The following AKT3 variants were observed in gnomAD, a reference collection of about 807,000 sequenced individuals.
The protein encoded by AKT3 is AKT serine/threonine kinase 3.
A neutral mutation model predicts 65.3 loss-of-function variants in AKT3; 15 were observed. That is an observed-to-expected ratio of 0.23 (90% CI 0.15 to 0.35). The LOEUF is 0.35. AKT3 is among the 10% of genes least tolerant of loss of function. The probability of loss-of-function intolerance (pLI) is 1.00; values close to 1 mark genes in which losing one functional copy is unlikely to be tolerated. For missense variants in AKT3, 243 were observed against 576.5 expected (o/e 0.42, Z 5.92); for synonymous variants, 206 against 183.8 (o/e 1.12, Z -0.98).
At chr1:243,818,346 C>CT (rs1383898150) in intron 2 of AKT3, among the ~76,000 whole-genome samples, 2 of 152,096 alleles carry the variant, frequency 1.3e-5, no homozygotes, top group Non-Finnish European at 2.9e-5. Flanking sequence ...ATCTTGAAGT[C>CT]TTTTTTCCCC....
intron 12 of AKT3, among the ~76,000 whole-genome samples, chr1:243,528,826 A>C (rs746883510): frequency 7.9e-5 from 12 of 152,172 alleles, no homozygotes; most frequent in Non-Finnish European, 1.8e-4. Context: ...ACATTCCAAT[A>C]ATGGGACTGC....
chr1:243,494,440 CTGAG>C (rs533733125), intron 13 of AKT3, among the ~76,000 whole-genome samples: 24 of 152,230 alleles, frequency 1.6e-4, no homozygotes, highest in Non-Finnish European at 2.1e-4. Flanking sequence ...TCCCTGCTGC[CTGAG>C]TGTTTTTAAA....
intron 8 of AKT3, among the ~76,000 whole-genome samples, chr1:243,577,472 T>C (rs930938646): frequency 3.9e-5 from 6 of 152,176 alleles, no homozygotes; most frequent in Middle Eastern, 3.4e-3. Context: ...ATAAATGGTG[T>C]TGGGAGAACT....
In AKT3 at chr1:243,501,947, T is replaced by C. The variant is rs556358888; in HGVS notation, c.*3302A>G. The C allele has an allele frequency of 4.3e-5, 10 of 232,554 alleles. No individual in the cohort carries two copies. The highest frequency in any genetic ancestry group is 5.9e-5 in the Non-Finnish European group (7 of 117,756). The allele number at this position is 232,554 out of a possible 1,614,324, so 14.4% of individuals were successfully genotyped here. On this transcript the variant is annotated 3_prime_UTR_variant, in exon 14 of 14. Transcript: ENST00000673466. ...ACAGGTTTAGTATGACCAACAGTAA[T>C]AGTAATACAGTTTCTTGGGTTTATA... is the stretch of plus-strand genomic sequence containing the variant.
chr1:243,594,692 G>C (rs1166365670), intron 8 of AKT3, among the ~76,000 whole-genome samples: 1 of 152,008 alleles, frequency 6.6e-6, no homozygotes, highest in Non-Finnish European at 1.5e-5. Flanking sequence ...CAACCTCTTG[G>C]GCTCAAGCAA....
intron 9 of AKT3, among the ~76,000 whole-genome samples, chr1:243,570,500 A>T (rs1329199370): frequency 6.6e-6 from 1 of 152,196 alleles, no homozygotes; most frequent in Admixed American, 6.5e-5. Context: ...AGTCAGAATG[A>T]TATAGTGACA....
At chr1:243,488,534 C>T (rs982191347) in intron 13 of AKT3, 4 of 202,504 alleles carry the variant, frequency 2.0e-5, no homozygotes, top group African/African-American at 9.3e-5. Context: ...AATTTAGGAT[C>T]TTTAAAGACA....
chr1:243,563,543 G>A (rs1322249582), intron 10 of AKT3, among the ~76,000 whole-genome samples, 177 bp downstream of exon 10: 1 of 152,122 alleles, frequency 6.6e-6, no homozygotes, highest in Admixed American at 6.6e-5. Flanking sequence ...TTTAATTTCA[G>A]TATATTCTTG....
chr1:243,490,413 C>T (rs1666117502), intron 13 of AKT3, among the ~76,000 whole-genome samples: 1 of 152,196 alleles, frequency 6.6e-6, no homozygotes, highest in Non-Finnish European at 1.5e-5. Context: ...CATGGCAGGG[C>T]CCTGGAACCT....
chr1:243,783,557 T>A (rs1018188857), intron 2 of AKT3, among the ~76,000 whole-genome samples: 2 of 152,070 alleles, frequency 1.3e-5, no homozygotes. Flanking sequence ...TTAATTAAGG[T>A]GAATTTTTAA....
At chr1:243,763,169 GAATA>G (rs763398751) in intron 2 of AKT3, among the ~76,000 whole-genome samples, 2 of 151,932 alleles carry the variant, frequency 1.3e-5, no homozygotes, top group Non-Finnish European at 2.9e-5. Context: ...TTTAAAAAGT[GAATA>G]AACAGCCTAC....
Position 243,808,680 on chromosome 1 carries a change from C to T in AKT3, c.46+34445G>A, listed in dbSNP as rs563617823. The stretch of plus-strand genomic sequence containing the variant: ...ATTCAGATTCAGGAAATACAGAAAA[C>T]GCCACAAAGATACTCCTCAAGAAGA... On this transcript the variant is annotated intron_variant, in intron 2 of 13. Coordinates refer to ENST00000673466, the MANE Select transcript of AKT3 (RefSeq NM_005465.7). 1.6e-4 allele frequency among the ~76,000 whole-genome samples: 25 copies of T among 152,168 alleles called. 1 individual carries two copies. In the South Asian group the frequency reaches 3.5e-3, roughly 21 times the overall value.
chr1:243,752,972 C>G (rs1205116834), intron 2 of AKT3, among the ~76,000 whole-genome samples: 2 of 152,162 alleles, frequency 1.3e-5, no homozygotes, highest in African/African-American at 4.8e-5. Flanking sequence ...GTTTCTACCC[C>G]CTTTCCCAAT....
At chr1:243,592,267 G>A (rs1330533474) in intron 8 of AKT3, among the ~76,000 whole-genome samples, 3 of 151,768 alleles carry the variant, frequency 2.0e-5, no homozygotes, top group African/African-American at 7.3e-5. Context: ...CCCAGGAGGC[G>A]GAGCTTGCAG....
intron 12 of AKT3, among the ~76,000 whole-genome samples, chr1:243,532,782 C>T (rs1558594134): frequency 1.3e-5 from 2 of 152,110 alleles, no homozygotes; most frequent in South Asian, 4.1e-4. Flanking sequence ...TGGCCCTGGG[C>T]TTTTCTTTGG....
intron 12 of AKT3, among the ~76,000 whole-genome samples, chr1:243,537,888 G>A (rs953815473): frequency 4.6e-5 from 7 of 151,950 alleles, no homozygotes; most frequent in Non-Finnish European, 8.8e-5. Context: ...ATTCTGAAAT[G>A]TCCCATTTCC....
At chr1:243,790,843 A>G (rs1263292121) in intron 2 of AKT3, among the ~76,000 whole-genome samples, 1 of 152,102 alleles carries the variant, frequency 6.6e-6, no homozygotes, top group Non-Finnish European at 1.5e-5. Context: ...GGGTACAGCC[A>G]GTTGCTGGAT....
At chr1:243,654,834 C>G (rs1218282782) in intron 4 of AKT3, among the ~76,000 whole-genome samples, 1 of 152,062 alleles carries the variant, frequency 6.6e-6, no homozygotes, top group Non-Finnish European at 1.5e-5. Context: ...GCTCTGAAAG[C>G]AAACATTTTT....
intron 9 of AKT3, among the ~76,000 whole-genome samples, chr1:243,570,440 C>G (rs1420914190): frequency 1.3e-5 from 2 of 152,138 alleles, no homozygotes; most frequent in African/African-American, 4.8e-5. Context: ...AAAGATTTCC[C>G]AAAGTTAATC....
Sources: gnomAD v4.1 joint callset for allele counts (sites outside exome capture counted in the v4.1 genomes callset) on GRCh38, gnomAD v4.1.1 for gene constraint, MANE v1.5 for transcripts, NCBI Gene and HGNC (gene_info 2026-07-23, HGNC 2026-07-21) for gene names.